Variants in GNAO1 observed in about 807,000 individuals in gnomAD.
The protein encoded by GNAO1 is G protein subunit alpha o1.
For synonymous variants in GNAO1, 164 were observed against 180.7 expected (o/e 0.91, Z 0.74); for missense variants, 166 against 478.7 (o/e 0.35, Z 6.10).
intron 3 of GNAO1, among the ~76,000 whole-genome samples, chr16:56,321,518 G>A (rs763404787): frequency 6.6e-6 from 1 of 152,154 alleles, no homozygotes; most frequent in Non-Finnish European, 1.5e-5. Flanking sequence ...GGGATTCTTT[G>A]TCCACCCCAG....
chr16:56,336,643 C>T (rs1180958400), intron 5 of GNAO1, 88 bp from the exon 6 acceptor site: 3 of 1,255,002 alleles, frequency 2.4e-6, no homozygotes, highest in Non-Finnish European at 3.3e-6. Flanking sequence ...GGCCCCCATC[C>T]TCTGCCTCTC....
At chr16:56,332,171 G>A (rs1209796476) in intron 4 of GNAO1, among the ~76,000 whole-genome samples, 1 of 152,130 alleles carries the variant, frequency 6.6e-6, no homozygotes, top group Non-Finnish European at 1.5e-5. Flanking sequence ...ACATGCTTCT[G>A]GCCAGAACCC....
At chr16:56,331,824 A>G (rs1279745911) in intron 4 of GNAO1, among the ~76,000 whole-genome samples, 1 of 152,092 alleles carries the variant, frequency 6.6e-6, no homozygotes, top group African/African-American at 2.4e-5. Flanking sequence ...ACTTCTGCCT[A>G]CTCAGTGCCT....
At chr16:56,225,497 TG>T (rs2036525938) in intron 2 of GNAO1, among the ~76,000 whole-genome samples, 1 of 152,226 alleles carries the variant, frequency 6.6e-6, no homozygotes, top group Non-Finnish European at 1.5e-5. Flanking sequence ...TAGCAGAAAT[TG>T]TTTGGGCTCT....
rs2036932442 is a variant in GNAO1 at position 56,264,361 on chromosome 16, C to CT, written c.162-11569dup. ...CCGCTGCCGTGGACTGACAGCTGGC[C>CT]TGTGCAGCCCCCACCTCCACCCACC... On this transcript the variant is annotated intron_variant, in intron 2 of 8. Transcript: ENST00000262493. Among the ~76,000 whole-genome samples the CT allele has an allele frequency of 1.1e-4, 16 of 152,350 alleles. 1 individual carries two copies. The South Asian group carries it at 3.3e-3, about 32-fold the overall frequency.
In GNAO1 at chr16:56,344,650, G is replaced by A. The variant is rs1044559201; in HGVS notation, c.724-6734G>A. 8 of 985,646 alleles carry A rather than the reference G, an allele frequency of 8.1e-6. No homozygotes were observed. The African/African-American group carries it at 1.2e-4, about 15-fold the overall frequency. 61.1% of individuals were successfully genotyped at this position (985,646 alleles called of 1,614,324 possible). A position where few individuals can be genotyped will look rare whatever the true frequency, so the allele number is the denominator to read the frequency against. On this transcript the variant is annotated intron_variant, in intron 6 of 8. Coordinates refer to ENST00000262493, the MANE Select transcript of GNAO1 (RefSeq NM_020988.3). ...AGATAGATGGTGGCGTGGAGCGGGG[G>A]GAGGGAGAGATGGGAGGTGCGGGGA... is the stretch of plus-strand genomic sequence containing the variant.
intron 3 of GNAO1, among the ~76,000 whole-genome samples, chr16:56,277,610 C>G (rs1447463871): frequency 6.6e-6 from 1 of 152,144 alleles, no homozygotes; most frequent in Non-Finnish European, 1.5e-5. Flanking sequence ...CATAATGACT[C>G]GTTTTATTTA....
chr16:56,290,315 G>A (rs1567471218), intron 3 of GNAO1, among the ~76,000 whole-genome samples: 1 of 152,196 alleles, frequency 6.6e-6, no homozygotes, highest in Admixed American at 6.5e-5. Context: ...AAGGCTGTAA[G>A]GGACAGGGAC....
chr16:56,333,355 G>A (rs1216669808), intron 4 of GNAO1, among the ~76,000 whole-genome samples: 1 of 152,112 alleles, frequency 6.6e-6, no homozygotes, highest in East Asian at 1.9e-4. Context: ...GGGATTATAG[G>A]CACCTGCCAC....
intron 3 of GNAO1, among the ~76,000 whole-genome samples, chr16:56,309,317 T>G (rs947515956): frequency 6.6e-6 from 1 of 152,150 alleles, no homozygotes; most frequent in African/African-American, 2.4e-5. Flanking sequence ...TCAAAAAGGA[T>G]GAGGCCCCAA....
chr16:56,282,762 G>T (rs922119404), intron 3 of GNAO1, among the ~76,000 whole-genome samples: 2 of 152,212 alleles, frequency 1.3e-5, no homozygotes, highest in Admixed American at 6.5e-5. Flanking sequence ...CATTGGTTTG[G>T]CCCAAAAAAG....
chr16:56,341,490 TGGGCAC>T (rs2037803042), intron 6 of GNAO1, among the ~76,000 whole-genome samples: 1 of 152,246 alleles, frequency 6.6e-6, no homozygotes, highest in Non-Finnish European at 1.5e-5. Flanking sequence ...AATGAGCTGA[TGGGCAC>T]GCAGAGCTTC....
chr16:56,203,047 C>T (rs2036294604), intron 2 of GNAO1, among the ~76,000 whole-genome samples: 1 of 152,164 alleles, frequency 6.6e-6, no homozygotes, highest in Non-Finnish European at 1.5e-5. Flanking sequence ...CAGAGAGTTG[C>T]ACCAGTTGGA....
At chr16:56,338,766 CAGGCCCTGAG>C (rs1458874532) in intron 6 of GNAO1, among the ~76,000 whole-genome samples, 2 of 152,250 alleles carry the variant, frequency 1.3e-5, no homozygotes, top group Admixed American at 1.3e-4. Context: ...CTAGCAGCCA[CAGGCCCTGAG>C]CTCTGCAGCC....
chr16:56,277,556 G>A (rs1452800753), intron 3 of GNAO1, among the ~76,000 whole-genome samples: 1 of 152,170 alleles, frequency 6.6e-6, no homozygotes, highest in Admixed American at 6.5e-5. Context: ...GCTACCATCT[G>A]TTGAGCACCT....
At chr16:56,220,477 G>A (rs556911218) in intron 2 of GNAO1, among the ~76,000 whole-genome samples, 8 of 152,232 alleles carry the variant, frequency 5.3e-5, no homozygotes, top group African/African-American at 1.9e-4. Context: ...CAAAACTGAG[G>A]TTCTTAATGT....
At chr16:56,330,138 T>C (rs867621221) in intron 4 of GNAO1, among the ~76,000 whole-genome samples, 6 of 152,242 alleles carry the variant, frequency 3.9e-5, no homozygotes, top group Admixed American at 3.3e-4. Flanking sequence ...GCCGAAGTCC[T>C]GTGAGTCCCA....
chr16:56,261,817 G>C (rs1213998714), intron 2 of GNAO1, among the ~76,000 whole-genome samples: 1 of 152,184 alleles, frequency 6.6e-6, no homozygotes, highest in Non-Finnish European at 1.5e-5. Flanking sequence ...TTTCAGATCA[G>C]CAAGTCTGTG....
chr16:56,323,468 C>A (rs142353561), intron 3 of GNAO1, among the ~76,000 whole-genome samples: 81 of 152,180 alleles, frequency 5.3e-4, no homozygotes, highest in African/African-American at 1.9e-3. Context: ...AGGGTGTTGA[C>A]CTTGTCTTCA....
Sources: allele counts gnomAD v4.1 joint callset (sites outside exome capture counted in the v4.1 genomes callset), GRCh38; gene constraint gnomAD v4.1.1; transcripts MANE v1.5; gene names NCBI Gene and HGNC (gene_info 2026-07-23, HGNC 2026-07-21).